Variants in PKD1L3 observed in about 807,000 individuals in gnomAD.
PKD1L3 encodes the protein polycystin 1 like 3, transient receptor potential channel interacting.
Under a neutral mutation model 184.1 loss-of-function variants are expected in PKD1L3, and 239 were observed. That is an observed-to-expected ratio of 1.30 (90% CI 1.17 to 1.45). PKD1L3 has a LOEUF of 1.45. Among genes scored for constraint, PKD1L3 ranks in the 40% most tolerant of loss-of-function variants. The pLI, the probability that PKD1L3 is intolerant of heterozygous loss-of-function variation, is 0.00. For synonymous variants in PKD1L3, 996 were observed against 778.8 expected (o/e 1.28, Z -4.64); for missense variants, 2,660 against 2,067.2 (o/e 1.29, Z -5.56).
intron 16 of PKD1L3, among the ~76,000 whole-genome samples, chr16:71,954,754 C>A (rs1434318772): frequency 6.6e-6 from 1 of 152,060 alleles, no homozygotes; most frequent in Non-Finnish European, 1.5e-5. Context: ...GGCTTAAACA[C>A]AAAATAAACC....
At chr16:71,934,798 C>G (rs17286411) in intron 26 of PKD1L3, among the ~76,000 whole-genome samples, 64,853 of 151,976 alleles carry the variant, frequency 0.43, 14,347 homozygotes, top group East Asian at 0.71. Flanking sequence ...GGAAAAGTTA[C>G]ACAGATCACC....
rs4788590 is a variant in PKD1L3 at position 71,986,395 on chromosome 16, G to A, written c.660C>T (p.Ala220=). ...LSSITSQVTS[A]ASEPSSQPLP... is the part of the protein sequence containing the mutation. ...GAGGCTGGCTGCTGGGTTCAGATGCGGCTGATGTTACCTGTGATGTGATAC... is the reference window on the plus strand; with the variant it reads ...GAGGCTGGCTGCTGGGTTCAGATGCAGCTGATGTTACCTGTGATGTGATAC... Residue 220 remains alanine, a synonymous_variant, in exon 5 of 30, where the codon GCC becomes GCT. Coordinates refer to ENST00000620267, the MANE Select transcript of PKD1L3 (RefSeq NM_181536.2). 1,203,592 of 1,551,552 alleles carry A rather than the reference G, an allele frequency of 0.78. 468,936 individuals are homozygous for A. The highest frequency in any genetic ancestry group is 0.85 in the South Asian group (71,717 of 84,046).
chr16:71,936,867 A>C (rs890142879), intron 25 of PKD1L3, among the ~76,000 whole-genome samples: 2 of 152,162 alleles, frequency 1.3e-5, no homozygotes, highest in African/African-American at 4.8e-5. Flanking sequence ...CTATTTCTAT[A>C]GACTTAATTC....
chr16:71,996,279 C>G (rs1238212755), intron 2 of PKD1L3, among the ~76,000 whole-genome samples: 2 of 38,990 alleles, frequency 5.1e-5, no homozygotes, highest in Admixed American at 7.3e-4. Context: ...TTTTTTTTTT[C>G]TGAGACGGAG....
chr16:71,963,084 T>A (rs2039343868), intron 16 of PKD1L3, 121 bp downstream of exon 16: 3 of 1,092,306 alleles, frequency 2.7e-6, no homozygotes, highest in South Asian at 2.1e-5. Context: ...GTAATGCTTA[T>A]GTATGTTTGA....
At chr16:71,975,296 G>A (rs956087776) in intron 11 of PKD1L3, among the ~76,000 whole-genome samples, 1 of 150,724 alleles carries the variant, frequency 6.6e-6, no homozygotes, top group African/African-American at 2.4e-5. Context: ...GGGCTTAAGT[G>A]ATCCTCCTGC....
At chr16:71,978,538 CATACTT>C (rs2040024036) in intron 9 of PKD1L3, among the ~76,000 whole-genome samples, 155 bp from the exon 10 acceptor site, 6 of 90,774 alleles carry the variant, frequency 6.6e-5, no homozygotes, top group East Asian at 3.0e-4. Context: ...TACATACATA[CATACTT>C]TTTTTTTTTT....
intron 15 of PKD1L3, among the ~76,000 whole-genome samples, chr16:71,965,461 T>C (rs1010672600): frequency 1.3e-5 from 2 of 152,156 alleles, no homozygotes; most frequent in African/African-American, 4.8e-5. Context: ...TGGCAAGCTG[T>C]TCTCTGAAGT....
chr16:71,946,014 G>A (rs11648530), intron 22 of PKD1L3, among the ~76,000 whole-genome samples: 109,935 of 152,086 alleles, frequency 0.72, 40,401 homozygotes, highest in East Asian at 0.98. Flanking sequence ...GCTGGAGTAC[G>A]ATGGCACGAT....
At chr16:71,929,805 C>A in intron 29 of PKD1L3, 127 bp from the exon 30 acceptor site, 1 of 1,083,234 alleles carries the variant, frequency 9.2e-7, no homozygotes, top group South Asian at 1.7e-5. Context: ...TAATAATTTG[C>A]AGTCAGGCAT....
chr16:71,945,702 A>G lies in PKD1L3; in HGVS notation c.3719-1532T>C, dbSNP rs1177399315. 2.6e-5 allele frequency among the ~76,000 whole-genome samples: 4 copies of G among 152,058 alleles called. No individual in the cohort carries two copies. The South Asian group carries it at 8.3e-4, about 32-fold the overall frequency. ...CATAAATAAATAAATAAAAATAAAA[A>G]TAACTAGAGGAGGGCATGAAACTTG... On this transcript the variant is annotated intron_variant, in intron 22 of 29. Transcript: ENST00000620267.
At chr16:71,984,906 G>C (rs543027345) in intron 5 of PKD1L3, among the ~76,000 whole-genome samples, 15 of 152,144 alleles carry the variant, frequency 9.9e-5, no homozygotes, top group Admixed American at 5.2e-4. Flanking sequence ...ATGACTCATA[G>C]CAAGAGGTGG....
intron 16 of PKD1L3, among the ~76,000 whole-genome samples, chr16:71,958,342 C>A (rs1427487543): frequency 6.3e-5 from 9 of 141,780 alleles, no homozygotes; most frequent in Admixed American, 4.9e-4. Context: ...AGCCGAGATC[C>A]CGCCACTGCA....
chr16:71,997,553 G>A (rs564683538), intron 2 of PKD1L3, among the ~76,000 whole-genome samples: 11 of 152,034 alleles, frequency 7.2e-5, no homozygotes, highest in Admixed American at 2.0e-4. Flanking sequence ...GTTCGAGACT[G>A]GCCTGACCAA....
At chr16:71,975,777 T>G (rs12931964) in intron 11 of PKD1L3, among the ~76,000 whole-genome samples, 16,686 of 152,250 alleles carry the variant, frequency 0.11, 1,223 homozygotes, top group Middle Eastern at 0.19. Flanking sequence ...TGTCTACACA[T>G]GTGGTAAAAT....
intron 5 of PKD1L3, among the ~76,000 whole-genome samples, 162 bp from the exon 6 acceptor site, chr16:71,984,329 T>C (rs959099063): frequency 6.6e-6 from 1 of 152,132 alleles, no homozygotes; most frequent in Non-Finnish European, 1.5e-5. Context: ...TTTCTGCGAG[T>C]GGACAGAATT....
At chr16:71,938,546 A>G (rs2038257326) in intron 24 of PKD1L3, among the ~76,000 whole-genome samples, 1 of 152,228 alleles carries the variant, frequency 6.6e-6, no homozygotes, top group African/African-American at 2.4e-5. Context: ...GGAACCTGCC[A>G]GTTTCACTAA....
chr16:71,938,621 C>T (rs546788899), intron 24 of PKD1L3, among the ~76,000 whole-genome samples: 1 of 152,366 alleles, frequency 6.6e-6, no homozygotes, highest in East Asian at 1.9e-4. Flanking sequence ...CCAATAAGCA[C>T]ACACTTACTC....
In PKD1L3 at chr16:71,977,310, C is replaced by T. The variant is rs1373331865; in HGVS notation, c.1685G>A (p.Gly562Glu). The change falls in exon 11 of 30, where the codon GGG becomes GAG. Residue 562 changes from glycine (G) to glutamate (E), a missense_variant. By Grantham distance (98) the Gly-to-Glu change is moderately conservative. Transcript: ENST00000620267. ...AGTGCAGTTAGGCTGATACTGGAAC[C>T]CCAGGTAGAGTGTCATTAAAAGGGG... The part of the protein sequence containing the change: ...DSPLLMTLYL[G>E]FQYQPNCTHF... 8 of 1,544,708 alleles carry T rather than the reference C, an allele frequency of 5.2e-6. No individual in the cohort carries two copies. The highest frequency in any genetic ancestry group is 3.9e-5 in the Admixed American group (2 of 50,956).
Sources: gnomAD v4.1 joint callset for allele counts (sites outside exome capture counted in the v4.1 genomes callset) on GRCh38, gnomAD v4.1.1 for gene constraint, MANE v1.5 for transcripts, NCBI Gene and HGNC (gene_info 2026-07-23, HGNC 2026-07-21) for gene names.